RAD51B: variants seen among roughly 807,000 people sequenced by gnomAD.
RAD51B encodes DNA repair protein RAD51 homolog 2.
In RAD51B, 38 loss-of-function variants were observed where a neutral mutation model predicts 42.2. That is an observed-to-expected ratio of 0.90 (90% CI 0.70 to 1.18). The LOEUF (loss-of-function observed/expected upper bound fraction) is 1.18, where lower values mean the gene tolerates loss of function less well. Among genes scored for constraint, RAD51B ranks in the 50% most tolerant of loss-of-function variants. RAD51B has a pLI of 0.00. For synonymous variants in RAD51B, 154 were observed against 145.2 expected, an observed-to-expected ratio of 1.06 and a Z score of -0.43; for missense variants, 373 against 400.7, an observed-to-expected ratio of 0.93 and a Z score of 0.59.
At chr14:68,241,281 G>A (rs575888500) in intron 7 of RAD51B, among the ~76,000 whole-genome samples, 1 of 152,246 alleles carries the variant, frequency 6.6e-6, no homozygotes. Flanking sequence ...GGTGGCTCAC[G>A]CCTGTAATCC....
At chr14:67,912,155 C>G (rs2044005198) in intron 7 of RAD51B, among the ~76,000 whole-genome samples, 1 of 151,998 alleles carries the variant, frequency 6.6e-6, no homozygotes, top group African/African-American at 2.4e-5. Context: ...TAGTCTGTAG[C>G]CAGATATTTT....
At chr14:68,039,364 G>C (rs533545429) in intron 7 of RAD51B, among the ~76,000 whole-genome samples, 1 of 148,160 alleles carries the variant, frequency 6.7e-6, no homozygotes, top group Non-Finnish European at 1.5e-5. Flanking sequence ...AGAGGCGAAG[G>C]TTGCTGTGAG....
chr14:67,874,535 T>C (rs1039417671), intron 5 of RAD51B, among the ~76,000 whole-genome samples: 4 of 152,166 alleles, frequency 2.6e-5, no homozygotes, highest in Admixed American at 6.6e-5. Context: ...TGGACACCCT[T>C]GAATTAGATA....
At chr14:68,592,348 G>A (rs746274559) in intron 10 of RAD51B, among the ~76,000 whole-genome samples, 39 of 151,866 alleles carry the variant, frequency 2.6e-4, no homozygotes, top group Non-Finnish European at 4.4e-4. Context: ...CCCAAATGTT[G>A]TAAGCGTATG....
At chr14:68,180,323 C>T (rs1435730756) in intron 7 of RAD51B, among the ~76,000 whole-genome samples, 1 of 152,154 alleles carries the variant, frequency 6.6e-6, no homozygotes, top group African/African-American at 2.4e-5. Flanking sequence ...AGCCTGCTTA[C>T]TAATGGCTCA....
At chr14:67,947,302 G>T (rs561411900) in intron 7 of RAD51B, among the ~76,000 whole-genome samples, 1 of 152,294 alleles carries the variant, frequency 6.6e-6, no homozygotes, top group South Asian at 2.1e-4. Context: ...TATTCCGGGG[G>T]TTAGGAAATA....
At chr14:67,943,606 C>T (rs990025131) in intron 7 of RAD51B, among the ~76,000 whole-genome samples, 8 of 152,128 alleles carry the variant, frequency 5.3e-5, no homozygotes, top group Non-Finnish European at 1.2e-4. Flanking sequence ...AGTTGACATT[C>T]ATTTATTTTA....
intron 7 of RAD51B, among the ~76,000 whole-genome samples, chr14:67,931,982 A>G (rs911515123): frequency 6.6e-6 from 1 of 151,028 alleles, no homozygotes; most frequent in African/African-American, 2.4e-5. Flanking sequence ...CTTTTCTTCA[A>G]CTTTTGTTTT....
At chr14:68,265,019 A>G (rs926167575) in intron 7 of RAD51B, among the ~76,000 whole-genome samples, 5 of 152,206 alleles carry the variant, frequency 3.3e-5, no homozygotes, top group Non-Finnish European at 7.3e-5. Context: ...TAGGTAGAAT[A>G]CTGATCAAGT....
At chr14:68,432,240 G>A (rs1240824914) in intron 9 of RAD51B, among the ~76,000 whole-genome samples, 1 of 152,206 alleles carries the variant, frequency 6.6e-6, no homozygotes, top group East Asian at 1.9e-4. Context: ...GATTTGGGGT[G>A]GAGAGTTCTA....
chr14:68,628,440 CGG>C (rs1892145263), intron 10 of RAD51B: 1 of 152,290 alleles, frequency 6.6e-6, no homozygotes, highest in Non-Finnish European at 1.5e-5. Flanking sequence ...TGGGGGCCGG[CGG>C]CTCCCAGCTC....
intron 11 of RAD51B, among the ~76,000 whole-genome samples, chr14:68,669,970 G>A (rs1893119480): frequency 6.6e-6 from 1 of 152,086 alleles, no homozygotes; most frequent in African/African-American, 2.4e-5. Flanking sequence ...GCCCTGGTGG[G>A]GGGCTCAGAT....
chr14:68,101,300 A>G (rs1265999288), intron 7 of RAD51B, among the ~76,000 whole-genome samples: 1 of 152,182 alleles, frequency 6.6e-6, no homozygotes, highest in African/African-American at 2.4e-5. Flanking sequence ...AAACATAATC[A>G]TGCCATTCCA....
chr14:68,413,778 A>G (rs958525502), intron 9 of RAD51B, among the ~76,000 whole-genome samples: 3 of 152,232 alleles, frequency 2.0e-5, no homozygotes, highest in African/African-American at 4.8e-5. Context: ...TGCATAAAAC[A>G]GTACTTTAAA....
At chr14:68,057,650 GCTTTTTTTGT>G (rs1938773047) in intron 7 of RAD51B, among the ~76,000 whole-genome samples, 2 of 151,746 alleles carry the variant, frequency 1.3e-5, no homozygotes, top group African/African-American at 4.8e-5. Context: ...GAATCTCTTA[GCTTTTTTTGT>G]CATTTACTAG....
intron 7 of RAD51B, among the ~76,000 whole-genome samples, chr14:68,053,001 A>G (rs2076418462): frequency 6.6e-6 from 1 of 151,992 alleles, no homozygotes; most frequent in Non-Finnish European, 1.5e-5. Flanking sequence ...ATCACCCATT[A>G]GTTTTACAGG....
chr14:68,563,563 A>G (rs1027382665), intron 10 of RAD51B: 3 of 985,272 alleles, frequency 3.0e-6, no homozygotes, highest in Non-Finnish European at 3.6e-6. Context: ...AGAACCAGCC[A>G]TTTCTTGTGT....
chr14:67,929,403 A>G (rs920612448), intron 7 of RAD51B, among the ~76,000 whole-genome samples: 2 of 152,114 alleles, frequency 1.3e-5, no homozygotes, highest in African/African-American at 4.8e-5. Context: ...TAGTTTTCAG[A>G]GTTCCTCTTG....
At chr14:68,198,690 T>C (rs2079423897) in intron 7 of RAD51B, among the ~76,000 whole-genome samples, 1 of 152,214 alleles carries the variant, frequency 6.6e-6, no homozygotes, top group African/African-American at 2.4e-5. Context: ...TTGGCTGATA[T>C]ATTAAGTCAA....
Sources: gnomAD v4.1 joint callset for allele counts (sites outside exome capture counted in the v4.1 genomes callset) on GRCh38, gnomAD v4.1.1 for gene constraint, MANE v1.5 for transcripts, NCBI Gene and HGNC (gene_info 2026-07-23, HGNC 2026-07-21) for gene names.